The following ABCC4 variants were observed in gnomAD, a reference collection of about 807,000 sequenced individuals.
The protein encoded by ABCC4 is ATP binding cassette subfamily C member 4 (PEL blood group).
ABCC4 carries 102 observed loss-of-function variants against 168.5 expected under a neutral mutation model. The observed-to-expected ratio is 0.61, with a 90% CI of 0.52 to 0.71. The LOEUF is 0.71. Ranked by LOEUF, ABCC4 falls within the 30% of genes least tolerant of loss-of-function variation. The probability of loss-of-function intolerance (pLI) is 0.00; values close to 1 mark genes in which losing one functional copy is unlikely to be tolerated. For synonymous variants in ABCC4, 617 were observed against 590.7 expected (o/e 1.04, Z -0.65); for missense variants, 1,402 against 1,605.8 (o/e 0.87, Z 2.17).
intron 1 of ABCC4, among the ~76,000 whole-genome samples, chr13:95,268,628 C>A (rs954539650): frequency 6.6e-6 from 1 of 152,142 alleles, no homozygotes; most frequent in East Asian, 1.9e-4. Context: ...GACATGCTGG[C>A]GGCAGTACTG....
chr13:95,158,551 T>C (rs1163176817), intron 19 of ABCC4, among the ~76,000 whole-genome samples: 1 of 152,156 alleles, frequency 6.6e-6, no homozygotes, highest in Non-Finnish European at 1.5e-5. Flanking sequence ...AATATCAGGA[T>C]GCTGAGCTCA....
At chr13:95,170,432 C>T in intron 14 of ABCC4, 100 bp downstream of exon 14, 1 of 668,634 alleles carries the variant, frequency 1.5e-6, no homozygotes, top group South Asian at 2.2e-5. Context: ...AAACATGAAT[C>T]CCAGCTCTGA....
chr13:95,296,174 ACACACAC>A (rs1566609464), intron 1 of ABCC4, among the ~76,000 whole-genome samples: 41 of 85,652 alleles, frequency 4.8e-4, no homozygotes, highest in African/African-American at 1.6e-3. Flanking sequence ...ACACACACAC[ACACACAC>A]ACAAAAACAC....
intron 8 of ABCC4, among the ~76,000 whole-genome samples, chr13:95,201,892 G>A (rs1196319531): frequency 6.6e-6 from 1 of 152,174 alleles, no homozygotes; most frequent in Non-Finnish European, 1.5e-5. Context: ...AGAATTGCTT[G>A]AACCCGGGAA....
chr13:95,195,885 C>T (rs1441659733), intron 8 of ABCC4, among the ~76,000 whole-genome samples: 1 of 152,218 alleles, frequency 6.6e-6, no homozygotes, highest in East Asian at 1.9e-4. Context: ...CTACCCACCT[C>T]GGCCTCCCAA....
chr13:95,242,226 A>G (rs2039966536), intron 3 of ABCC4, among the ~76,000 whole-genome samples: 1 of 88,560 alleles, frequency 1.1e-5, no homozygotes. Flanking sequence ...ATTTGTTCTA[A>G]CTCCATAATT....
chr13:95,081,236 T>C lies in ABCC4; in HGVS notation c.2686+1904A>G, dbSNP rs190923062. On this transcript the variant is annotated intron_variant, in intron 21 of 30. Transcript: ENST00000645237. ...AAATTCAAGAGAGAAAATCCTACAC[T>C]GCTTCCCAAAAAGCCTTCCTAAGTC... 2.0e-4 allele frequency among the ~76,000 whole-genome samples: 30 copies of C among 151,920 alleles called. No individual in the cohort carries two copies. The East Asian group carries it at 5.2e-3, about 26-fold the overall frequency.
At chr13:95,102,433 A>G (rs2034843023) in intron 20 of ABCC4, among the ~76,000 whole-genome samples, 1 of 151,906 alleles carries the variant, frequency 6.6e-6, no homozygotes, top group South Asian at 2.1e-4. Flanking sequence ...ACCATAAGAC[A>G]CCATCTCTGG....
intron 27 of ABCC4, 130 bp downstream of exon 27, chr13:95,052,965 A>G: frequency 1.4e-6 from 1 of 733,292 alleles, no homozygotes; most frequent in Non-Finnish European, 2.4e-6. Context: ...CCACATCCTC[A>G]ATGATCTCCT....
At chr13:95,277,871 T>C (rs1471404736) in intron 1 of ABCC4, among the ~76,000 whole-genome samples, 1 of 152,118 alleles carries the variant, frequency 6.6e-6, no homozygotes, top group Non-Finnish European at 1.5e-5. Context: ...TGGCGGGGCT[T>C]CAGGTCCTGG....
At chr13:95,148,218 T>C (rs2036560409) in intron 19 of ABCC4, among the ~76,000 whole-genome samples, 2 of 152,190 alleles carry the variant, frequency 1.3e-5, no homozygotes, top group Admixed American at 1.3e-4. Context: ...TTCTCTTAAT[T>C]GTCACTCACA....
In ABCC4 at chr13:95,170,546, G is replaced by C. The variant is rs762871057; in HGVS notation, c.1810C>G (p.Leu604Val). The change falls in exon 14 of 31, where the codon CTG (leucine) becomes GTG (valine). Residue 604 changes from leucine (L) to valine (V), a missense_variant. This residue lies in a region of ABCC4 where 1,007 missense variants were observed against 1,127.3 expected (regional missense o/e 0.89). Transcript: ENST00000645237. Reference protein sequence around the residue: ...LQYLKAASQILILKDGKMVQK... With the variant: ...LQYLKAASQIVILKDGKMVQK... ...AAACTACTTACATCTTTCAATATCA[G>C]AATCTGACTTGCAGCTTTGAGGTAC... The C allele has an allele frequency of 3.1e-6, 5 of 1,610,498 alleles. No homozygotes were observed. The highest frequency in any genetic ancestry group is 4.2e-6 in the Non-Finnish European group (5 of 1,178,760).
chr13:95,167,219 T>TA (rs2037310315), intron 14 of ABCC4, among the ~76,000 whole-genome samples: 1 of 150,300 alleles, frequency 6.7e-6, no homozygotes, highest in Non-Finnish European at 1.5e-5. Flanking sequence ...AATAAATAAA[T>TA]AATTGCCCCA....
At chr13:95,278,806 GAAAAAAA>G (rs71113905) in intron 1 of ABCC4, among the ~76,000 whole-genome samples, 2 of 34,362 alleles carry the variant, frequency 5.8e-5, no homozygotes, top group African/African-American at 1.5e-4. Flanking sequence ...CCCTGTCTCG[GAAAAAAA>G]AAAAAAAAAA....
intron 20 of ABCC4, chr13:95,096,235 G>A: frequency 1.7e-6 from 1 of 596,712 alleles, no homozygotes; most frequent in Non-Finnish European, 2.9e-6. Context: ...TGGGATAAGA[G>A]AAAGAATCAA....
In ABCC4 at chr13:95,200,063, C is replaced by T. The variant is rs1037044942; in HGVS notation, c.1162-5126G>A. ...GACACATGAGCACTGATTTTAATTA[C>T]GTGGTTATTTATTAACCCCCACTTG... On this transcript the variant is annotated intron_variant, in intron 8 of 30. Coordinates refer to ENST00000645237, the MANE Select transcript of ABCC4 (RefSeq NM_005845.5). Among the ~76,000 whole-genome samples, 20 of 152,190 alleles carry T rather than the reference C, an allele frequency of 1.3e-4. 1 individual carries two copies. The highest frequency in any genetic ancestry group is 4.8e-4 in the African/African-American group (20 of 41,438).
chr13:95,257,312 G>A (rs1291184505), intron 1 of ABCC4, among the ~76,000 whole-genome samples: 1 of 152,164 alleles, frequency 6.6e-6, no homozygotes, highest in Non-Finnish European at 1.5e-5. Context: ...CATTGAATAG[G>A]CTGAAGAGGA....
chr13:95,086,118 T>TGTGTGTGTGTGTGG (rs1318302701), intron 20 of ABCC4, among the ~76,000 whole-genome samples: 2 of 151,892 alleles, frequency 1.3e-5, no homozygotes, highest in East Asian at 1.9e-4. Context: ...TGTGTGTGTG[T>TGTGTGTGTGTGTGG]GGTTATATCT....
chr13:95,209,807 A>G (rs963160764), intron 5 of ABCC4, among the ~76,000 whole-genome samples: 6 of 152,242 alleles, frequency 3.9e-5, no homozygotes, highest in Non-Finnish European at 8.8e-5. Flanking sequence ...GAGACTCGCA[A>G]GAGAATCCGA....
Sources: gnomAD v4.1 joint callset for allele counts (sites outside exome capture counted in the v4.1 genomes callset) on GRCh38, gnomAD v4.1.1 for gene constraint, gnomAD v4.1.1 regional missense constraint, MANE v1.5 for transcripts, NCBI Gene and HGNC (gene_info 2026-07-23, HGNC 2026-07-21) for gene names.